Variants in PLXDC2 observed in about 807,000 individuals in gnomAD.
PLXDC2 encodes the protein plexin domain containing 2.
PLXDC2 carries 40 observed loss-of-function variants against 68.9 expected under a neutral mutation model. The observed-to-expected ratio is 0.58, with a 90% CI of 0.45 to 0.76. PLXDC2 has a LOEUF of 0.76. PLXDC2 is among the 30% of genes least tolerant of loss of function. PLXDC2 has a pLI of 0.00. For synonymous variants in PLXDC2, 243 were observed against 234.2 expected (o/e 1.04, Z -0.34); for missense variants, 644 against 661.9 (o/e 0.97, Z 0.30).
At chr10:19,965,946 G>A (rs1589560227) in intron 1 of PLXDC2, among the ~76,000 whole-genome samples, 2 of 152,088 alleles carry the variant, frequency 1.3e-5, no homozygotes, top group Non-Finnish European at 2.9e-5. Flanking sequence ...TCTAGAAGAT[G>A]CTTCTTTTAG....
intron 4 of PLXDC2, among the ~76,000 whole-genome samples, chr10:20,078,502 G>A (rs1477243629): frequency 6.6e-6 from 1 of 152,182 alleles, no homozygotes; most frequent in African/African-American, 2.4e-5. Flanking sequence ...AAAAATGAGT[G>A]TTATAAGATT....
At chr10:19,967,961 A>G (rs1344105259) in intron 1 of PLXDC2, among the ~76,000 whole-genome samples, 3 of 152,210 alleles carry the variant, frequency 2.0e-5, no homozygotes, top group Non-Finnish European at 4.4e-5. Flanking sequence ...GGGAACAAAT[A>G]TTATGTGCAT....
intron 1 of PLXDC2, among the ~76,000 whole-genome samples, chr10:19,929,186 C>T (rs1833587677): frequency 6.6e-6 from 1 of 151,810 alleles, no homozygotes; most frequent in South Asian, 2.1e-4. Context: ...CAACACCAGC[C>T]TGGCCAATGT....
At chr10:20,227,759 G>T (rs1212433062) in intron 12 of PLXDC2, among the ~76,000 whole-genome samples, 3 of 152,092 alleles carry the variant, frequency 2.0e-5, no homozygotes, top group Non-Finnish European at 4.4e-5. Context: ...TTTAGTAGTT[G>T]ACCCTTGAAG....
intron 2 of PLXDC2, among the ~76,000 whole-genome samples, chr10:20,007,760 A>G (rs960387889): frequency 3.3e-5 from 5 of 152,224 alleles, no homozygotes; most frequent in African/African-American, 1.2e-4. Flanking sequence ...CTCAGGTGAT[A>G]TAGTTGTGGG....
At chr10:19,894,008 C>A (rs1315026173) in intron 1 of PLXDC2, among the ~76,000 whole-genome samples, 2 of 152,110 alleles carry the variant, frequency 1.3e-5, no homozygotes, top group African/African-American at 2.4e-5. Flanking sequence ...TGATTCTCTT[C>A]CCACGAATGG....
At position 19,854,787 on chromosome 10, in the gene PLXDC2, A is replaced by G. The variant is rs1837183581; in HGVS notation, c.112+37596A>G. Among the ~76,000 whole-genome samples the G allele has an allele frequency of 2.6e-5, 4 of 152,254 alleles. No homozygotes were observed. In the South Asian group the frequency reaches 8.3e-4, roughly 32 times the overall value. On this transcript the variant is annotated intron_variant, in intron 1 of 13. Transcript: ENST00000377252. The stretch of plus-strand genomic sequence containing the variant: ...TCCAGGGGAGGTGTTGGAGAGTGCC[A>G]GGGGCAAATTTCACATAGTCACCCC...
intron 6 of PLXDC2, among the ~76,000 whole-genome samples, chr10:20,158,501 C>CAAAAAAAAAAAAAAA (rs59079629): frequency 1.1e-4 from 13 of 118,746 alleles, no homozygotes; most frequent in African/African-American, 1.2e-4. Flanking sequence ...TCTGTCTCTG[C>CAAAAAAAAAAAAAAA]AAAAAAAAAA....
At chr10:20,173,661 G>A (rs1834479987) in intron 7 of PLXDC2, among the ~76,000 whole-genome samples, 1 of 152,152 alleles carries the variant, frequency 6.6e-6, no homozygotes, top group South Asian at 2.1e-4. Flanking sequence ...TAATGGGTGA[G>A]TATTGATCTA....
intron 10 of PLXDC2, among the ~76,000 whole-genome samples, chr10:20,213,341 G>A (rs1835094414): frequency 6.6e-6 from 1 of 151,930 alleles, no homozygotes; most frequent in Non-Finnish European, 1.5e-5. Context: ...ATCTTGCAAA[G>A]TCACCTGTTT....
At chr10:20,086,125 T>C (rs1833190275) in intron 4 of PLXDC2, among the ~76,000 whole-genome samples, 1 of 152,088 alleles carries the variant, frequency 6.6e-6, no homozygotes, top group African/African-American at 2.4e-5. Flanking sequence ...ATACTTGTTA[T>C]TTTCACTGGT....
At chr10:20,175,631 C>A (rs771955889) in intron 7 of PLXDC2, among the ~76,000 whole-genome samples, 1 of 152,150 alleles carries the variant, frequency 6.6e-6, no homozygotes, top group Non-Finnish European at 1.5e-5. Context: ...GAGTTGAAGA[C>A]CAGCATGGGC....
At position 20,001,793 on chromosome 10, in the gene PLXDC2, C is replaced by T. The variant is rs1834943913; in HGVS notation, c.131C>T (p.Thr44Ile). 3 of 1,613,814 alleles carry T rather than the reference C, an allele frequency of 1.9e-6. No homozygotes were observed. The highest frequency in any genetic ancestry group is 1.7e-5 in the Admixed American group (1 of 59,976). ...CAAACAGATTGGCAGTATGGAGTTACTCAGGCCTTCCCTCACACAGAGGAG... is the reference window on the plus strand; with the variant it reads ...CAAACAGATTGGCAGTATGGAGTTATTCAGGCCTTCCCTCACACAGAGGAG... Reference protein sequence around the residue: ...DQILDWQYGVTQAFPHTEEEV... With the variant: ...DQILDWQYGVIQAFPHTEEEV... Residue 44 changes from threonine (T) to isoleucine (I), a missense_variant, in exon 2 of 14, where the codon ACT becomes ATT. Thr to Ile is a moderately conservative substitution (Grantham distance 89, BLOSUM62 -1). This residue lies in a region of PLXDC2 where 201 missense variants were observed against 166.9 expected (regional missense o/e 1.20). Coordinates refer to ENST00000377252, the MANE Select transcript of PLXDC2 (RefSeq NM_032812.9).
intron 3 of PLXDC2, among the ~76,000 whole-genome samples, chr10:20,054,728 A>G (rs1043385130): frequency 2.0e-5 from 3 of 152,100 alleles, no homozygotes; most frequent in African/African-American, 7.2e-5. Flanking sequence ...GGGGAGGGAT[A>G]GCATTAGGAG....
intron 1 of PLXDC2, among the ~76,000 whole-genome samples, chr10:19,827,646 C>T (rs939797319): frequency 5.3e-5 from 8 of 151,816 alleles, no homozygotes; most frequent in Admixed American, 3.3e-4. Context: ...CTGCAACCTC[C>T]ACCTCCCGGG....
intron 4 of PLXDC2, among the ~76,000 whole-genome samples, chr10:20,081,631 T>G (rs574551360): frequency 6.6e-6 from 1 of 152,178 alleles, no homozygotes; most frequent in Non-Finnish European, 1.5e-5. Context: ...AAAAACCACA[T>G]GTAGGCATAT....
chr10:20,127,472 A>G (rs1430427073), intron 4 of PLXDC2, among the ~76,000 whole-genome samples: 3 of 152,154 alleles, frequency 2.0e-5, no homozygotes, highest in Admixed American at 6.5e-5. Context: ...TGAAAGGGAT[A>G]TTCTCCTGCT....
chr10:20,242,540 A>G (rs780190009), intron 12 of PLXDC2, among the ~76,000 whole-genome samples: 4 of 152,124 alleles, frequency 2.6e-5, no homozygotes, highest in African/African-American at 4.8e-5. Context: ...TTTATTGGCA[A>G]TGTGGTCATT....
At chr10:19,863,244 G>C (rs558840667) in intron 1 of PLXDC2, among the ~76,000 whole-genome samples, 4 of 152,096 alleles carry the variant, frequency 2.6e-5, no homozygotes, top group Non-Finnish European at 5.9e-5. Flanking sequence ...TGGATCTTGG[G>C]TAGATGTTTG....
Sources: gnomAD v4.1 joint callset for allele counts (sites outside exome capture counted in the v4.1 genomes callset) on GRCh38, gnomAD v4.1.1 for gene constraint, gnomAD v4.1.1 regional missense constraint, MANE v1.5 for transcripts, NCBI Gene and HGNC (gene_info 2026-07-23, HGNC 2026-07-21) for gene names.